Variants in DNAH8 observed in about 807,000 individuals in gnomAD.
DNAH8 encodes the protein axonemal beta dynein heavy chain 8.
Under a neutral mutation model 562.1 loss-of-function variants are expected in DNAH8, and 382 were observed. The observed-to-expected ratio is 0.68, with a 90% CI of 0.63 to 0.74. The LOEUF is 0.74. Ranked by LOEUF, DNAH8 falls within the 30% of genes least tolerant of loss-of-function variation. DNAH8 has a pLI of 0.00. For synonymous variants in DNAH8, 1,881 were observed against 1,919.4 expected, an observed-to-expected ratio of 0.98 and a Z score of 0.52; for missense variants, 5,203 against 5,620.4, an observed-to-expected ratio of 0.93 and a Z score of 2.37.
chr6:38,782,502 C>T (rs942296670), intron 16 of DNAH8, among the ~76,000 whole-genome samples: 4 of 152,092 alleles, frequency 2.6e-5, no homozygotes, highest in Admixed American at 2.0e-4. Context: ...GGCAGGTCTC[C>T]AACTCCTGAC....
chr6:38,872,721 C>G lies in DNAH8; in HGVS notation c.7176C>G (p.Thr2392=). ...PQMFGRLDTA[T]NDWTDGIFST... ...TGTTTGGCAGACTGGACACTGCTAC[C>G]AATGACTGGACAGATGGGATTTTTT... Residue 2392 remains threonine, a synonymous_variant, in exon 50 of 93, where the codon ACC becomes ACG. Transcript: ENST00000327475. 7 of 1,614,048 alleles carry G rather than the reference C, an allele frequency of 4.3e-6. No individual in the cohort carries two copies. The highest frequency in any genetic ancestry group is 5.9e-6 in the Non-Finnish European group (7 of 1,179,976).
chr6:38,925,273 C>T (rs1411203282), intron 73 of DNAH8, among the ~76,000 whole-genome samples: 3 of 150,334 alleles, frequency 2.0e-5, no homozygotes, highest in African/African-American at 7.4e-5. Flanking sequence ...CTGGTTGGCT[C>T]ATTGGATCTC....
intron 19 of DNAH8, 113 bp from the exon 20 acceptor site, chr6:38,790,176 G>A: frequency 1.3e-6 from 1 of 751,346 alleles, no homozygotes; most frequent in Admixed American, 2.4e-5. Flanking sequence ...GTAATAGAGG[G>A]AAAATACATG....
chr6:38,797,196 C>G (rs1165358778), intron 21 of DNAH8, among the ~76,000 whole-genome samples: 1 of 152,136 alleles, frequency 6.6e-6, no homozygotes, highest in Non-Finnish European at 1.5e-5. Context: ...GAGTTTGACT[C>G]CAGCCTAGCC....
intron 8 of DNAH8, among the ~76,000 whole-genome samples, chr6:38,745,254 C>A (rs965994466): frequency 3.3e-5 from 5 of 152,114 alleles, no homozygotes; most frequent in African/African-American, 4.8e-5. Flanking sequence ...ATGCTCATGC[C>A]ATTTGCTGTG....
intron 66 of DNAH8, 90 bp from the exon 67 acceptor site, chr6:38,913,759 A>G (rs561873694): frequency 6.2e-5 from 52 of 833,316 alleles, no homozygotes; most frequent in Admixed American, 1.5e-4. Flanking sequence ...TTACATGTAC[A>G]GTGCCTAATA....
rs1778627932 is a variant in DNAH8 at position 38,883,023 on chromosome 6, T to G, written c.7972T>G (p.Leu2658Val). ...PNVDNIRTNF[L>V]IDTIAKQHKA... Reference sequence around the variant, plus strand: ...TGTTGACAATATTAGAACAAATTTTTTGATAGACACCATTGCAAAACAACA... The same window carrying G: ...TGTTGACAATATTAGAACAAATTTTGTGATAGACACCATTGCAAAACAACA... The change falls in exon 54 of 93, where the codon TTG (leucine) becomes GTG (valine). Residue 2658 changes from leucine (L) to valine (V), a missense_variant. Physicochemically the swap from Leu to Val is conservative, Grantham distance 32. Around this residue, in one of 6 missense-constraint regions of DNAH8, gnomAD observed 977 missense variants for 1,061.8 expected, o/e 0.92. Coordinates refer to ENST00000327475, the MANE Select transcript of DNAH8 (RefSeq NM_001206927.2). 1 of 1,601,134 alleles carries G rather than the reference T, an allele frequency of 6.2e-7. No individual in the cohort carries two copies. The highest frequency in any genetic ancestry group is 1.1e-5 in the South Asian group (1 of 87,224).
chr6:38,992,421 A>C (rs1299230740), intron 88 of DNAH8, among the ~76,000 whole-genome samples: 2 of 152,220 alleles, frequency 1.3e-5, no homozygotes, highest in Admixed American at 1.3e-4. Context: ...TTGTTGACTG[A>C]TCAGTGCTGC....
In DNAH8 at chr6:38,715,946, A is replaced by T. The variant is rs1490930068; in HGVS notation, c.-35+531A>T. ...AATAAATATATATATATATATATAT[A>T]TATATATATATATATTTTTTTTTTT... On this transcript the variant is annotated intron_variant, in intron 1 of 92. Transcript: ENST00000327475. Among the ~76,000 whole-genome samples the T allele has an allele frequency of 4.7e-3, 78 of 16,504 alleles. 7 individuals carry two copies. Among genetic ancestry groups the T allele is most frequent in the East Asian group, 0.032 (19 of 600 alleles). The allele number at this position is 16,504 out of a possible 152,430, so 10.8% of individuals were successfully genotyped here. A position where few individuals can be genotyped will look rare whatever the true frequency, so the allele number is the denominator to read the frequency against.
intron 57 of DNAH8, 60 bp from the exon 58 acceptor site, chr6:38,890,592 T>A: frequency 8.1e-7 from 1 of 1,227,368 alleles, no homozygotes; most frequent in Non-Finnish European, 1.2e-6. Context: ...TTTACTGGGA[T>A]AAACATATAC....
intron 1 of DNAH8, among the ~76,000 whole-genome samples, chr6:38,715,945 TATATATA>T (rs1562520827): frequency 3.3e-3 from 69 of 20,878 alleles, no homozygotes; most frequent in South Asian, 6.3e-3. Context: ...TATATATATA[TATATATA>T]TATATATATT....
At chr6:38,921,311 G>A (rs1430695327) in intron 70 of DNAH8, 58 bp from the exon 71 acceptor site, 1 of 1,573,006 alleles carries the variant, frequency 6.4e-7, no homozygotes, top group Non-Finnish European at 8.6e-7. Flanking sequence ...TTATCTACCA[G>A]TTACAATCAT....
chr6:38,748,682 A>G (rs9470926), intron 8 of DNAH8, among the ~76,000 whole-genome samples: 2,238 of 151,528 alleles, frequency 0.015, 44 homozygotes, highest in South Asian at 0.1. Flanking sequence ...TGAACCCAGG[A>G]GGTGGAGCTT....
At chr6:38,835,871 T>C (rs1774242956) in intron 32 of DNAH8, among the ~76,000 whole-genome samples, 1 of 149,092 alleles carries the variant, frequency 6.7e-6, no homozygotes, top group Non-Finnish European at 1.5e-5. Context: ...ATTTTTAAAA[T>C]AGTTGGTTTT....
At chr6:38,915,690 C>T (rs1376177509) in intron 68 of DNAH8, among the ~76,000 whole-genome samples, 1 of 152,110 alleles carries the variant, frequency 6.6e-6, no homozygotes, top group Non-Finnish European at 1.5e-5. Flanking sequence ...GCATCCCTTC[C>T]AGATTATGTC....
At chr6:38,776,792 A>T (rs1428824624) in intron 13 of DNAH8, among the ~76,000 whole-genome samples, 2 of 152,134 alleles carry the variant, frequency 1.3e-5, no homozygotes, top group African/African-American at 4.8e-5. Context: ...AGACTGTAAG[A>T]TGTTTTTCTC....
At chr6:38,985,559 C>T (rs1412265) in intron 87 of DNAH8, among the ~76,000 whole-genome samples, 5 of 151,934 alleles carry the variant, frequency 3.3e-5, no homozygotes, top group African/African-American at 7.3e-5. Context: ...TGAGAATGTG[C>T]GGAGGGAGGA....
chr6:38,999,569 C>A (rs1765347639), intron 88 of DNAH8, among the ~76,000 whole-genome samples: 1 of 151,982 alleles, frequency 6.6e-6, no homozygotes, highest in African/African-American at 2.4e-5. Flanking sequence ...TTCTGATTCT[C>A]CTGTGTTTTG....
intron 13 of DNAH8, among the ~76,000 whole-genome samples, chr6:38,776,217 C>CTTTT (rs200097924): frequency 2.2e-5 from 3 of 137,176 alleles, no homozygotes; most frequent in African/African-American, 5.4e-5. Flanking sequence ...AGCTAGGATT[C>CTTTT]TTTTTTTTTT....
Sources: allele counts gnomAD v4.1 joint callset (sites outside exome capture counted in the v4.1 genomes callset), GRCh38; gene constraint gnomAD v4.1.1; regional missense constraint gnomAD v4.1.1; transcripts MANE v1.5; gene names NCBI Gene and HGNC (gene_info 2026-07-23, HGNC 2026-07-21).